SHISA6: variants seen among roughly 807,000 people sequenced by gnomAD.
SHISA6 encodes the protein protein shisa-6.
Under a neutral mutation model 47.9 loss-of-function variants are expected in SHISA6, and 22 were observed. The ratio of observed to expected loss-of-function variants is 0.46; its 90% CI spans 0.33 to 0.66. SHISA6 has a LOEUF of 0.66. Ranked by LOEUF, SHISA6 falls within the 30% of genes least tolerant of loss-of-function variation. SHISA6 has a pLI of 0.02. For synonymous variants in SHISA6, 388 were observed against 337.8 expected, an observed-to-expected ratio of 1.15 and a Z score of -1.63; for missense variants, 680 against 764.6, an observed-to-expected ratio of 0.89 and a Z score of 1.30.
At chr17:11,366,963 AGGTT>A (rs1206848048) in intron 2 of SHISA6, among the ~76,000 whole-genome samples, 4 of 152,204 alleles carry the variant, frequency 2.6e-5, no homozygotes, top group Non-Finnish European at 4.4e-5. Flanking sequence ...ATACTGAATT[AGGTT>A]GGACTTTAAT....
At chr17:11,530,960 G>C (rs928047187) in intron 3 of SHISA6, among the ~76,000 whole-genome samples, 17 of 152,184 alleles carry the variant, frequency 1.1e-4, no homozygotes, top group Non-Finnish European at 2.2e-4. Context: ...AGTATCAGCT[G>C]ATGTTTGGTA....
intron 2 of SHISA6, among the ~76,000 whole-genome samples, chr17:11,309,800 G>A (rs1160230722): frequency 6.6e-6 from 1 of 152,220 alleles, no homozygotes; most frequent in Non-Finnish European, 1.5e-5. Context: ...TTCCTGTACA[G>A]AGAGATTTCT....
chr17:11,393,620 A>G (rs1302891844), intron 3 of SHISA6, among the ~76,000 whole-genome samples: 1 of 152,170 alleles, frequency 6.6e-6, no homozygotes, highest in African/African-American at 2.4e-5. Flanking sequence ...TTATATATAT[A>G]TATTAACCCT....
intron 3 of SHISA6, among the ~76,000 whole-genome samples, chr17:11,546,185 T>A (rs554176733): frequency 6.6e-6 from 1 of 152,330 alleles, no homozygotes; most frequent in South Asian, 2.1e-4. Context: ...TTATGTGTCA[T>A]GAGTACAGTC....
intron 3 of SHISA6, among the ~76,000 whole-genome samples, chr17:11,467,298 T>C (rs140263929): frequency 6.6e-6 from 1 of 152,232 alleles, no homozygotes; most frequent in East Asian, 1.9e-4. Flanking sequence ...ATCTGAGAGA[T>C]AGTTCGTGTT....
At chr17:11,298,801 C>T (rs1909832518) in intron 2 of SHISA6, among the ~76,000 whole-genome samples, 1 of 152,210 alleles carries the variant, frequency 6.6e-6, no homozygotes, top group African/African-American at 2.4e-5. Context: ...TCCAAGTTCA[C>T]TGTCAGCAGC....
chr17:11,486,047 A>G (rs771247199), intron 3 of SHISA6, among the ~76,000 whole-genome samples: 38 of 152,002 alleles, frequency 2.5e-4, no homozygotes, highest in Non-Finnish European at 4.1e-4. Flanking sequence ...AGAAGCAAAC[A>G]GGGGGAGTTT....
chr17:11,325,703 A>C (rs865786688), intron 2 of SHISA6, among the ~76,000 whole-genome samples: 1 of 152,074 alleles, frequency 6.6e-6, no homozygotes. Context: ...GTTTAAAAAA[A>C]AAAAAAAAGA....
At chr17:11,255,784 T>C (rs1907984048) in intron 1 of SHISA6, among the ~76,000 whole-genome samples, 1 of 152,214 alleles carries the variant, frequency 6.6e-6, no homozygotes, top group Non-Finnish European at 1.5e-5. Flanking sequence ...ACTGCACCAG[T>C]CCTCTAAGAC....
intron 2 of SHISA6, among the ~76,000 whole-genome samples, chr17:11,284,346 C>T (rs1204519696): frequency 1.3e-5 from 2 of 152,156 alleles, no homozygotes; most frequent in Non-Finnish European, 2.9e-5. Flanking sequence ...CTTCCATCAT[C>T]CTTACAGGGT....
At chr17:11,273,178 T>C (rs529673138) in intron 2 of SHISA6, among the ~76,000 whole-genome samples, 2 of 152,218 alleles carry the variant, frequency 1.3e-5, no homozygotes, top group Non-Finnish European at 2.9e-5. Flanking sequence ...GATTAGAAGC[T>C]TAACCAAGGT....
intron 3 of SHISA6, among the ~76,000 whole-genome samples, chr17:11,440,040 T>C (rs1915055325): frequency 1.3e-5 from 2 of 152,236 alleles, no homozygotes; most frequent in South Asian, 2.1e-4. Flanking sequence ...CTGAGGGTCC[T>C]GGGTCTGCTA....
At chr17:11,256,889 T>C (rs1908030510) in intron 1 of SHISA6, among the ~76,000 whole-genome samples, 6 of 152,208 alleles carry the variant, frequency 3.9e-5, no homozygotes, top group Admixed American at 2.6e-4. Flanking sequence ...CCGGCTGGCC[T>C]AGTGACAGCG....
chr17:11,329,858 C>T (rs901782386), intron 2 of SHISA6, among the ~76,000 whole-genome samples: 5 of 151,918 alleles, frequency 3.3e-5, no homozygotes, highest in African/African-American at 7.3e-5. Flanking sequence ...TGTGTTCAAG[C>T]GCACCTGGAT....
At chr17:11,303,233 G>A (rs142723342) in intron 2 of SHISA6, among the ~76,000 whole-genome samples, 2 of 152,108 alleles carry the variant, frequency 1.3e-5, no homozygotes, top group African/African-American at 4.8e-5. Flanking sequence ...AAGATTCAGT[G>A]TGATTGTGAG....
chr17:11,509,172 T>C (rs1420746875), intron 3 of SHISA6, among the ~76,000 whole-genome samples: 2 of 152,142 alleles, frequency 1.3e-5, no homozygotes, highest in Non-Finnish European at 2.9e-5. Flanking sequence ...AAGGCCCAAC[T>C]CTCCAGCTCA....
chr17:11,313,431 T>C (rs1449000501), intron 2 of SHISA6, among the ~76,000 whole-genome samples: 8 of 152,192 alleles, frequency 5.3e-5, no homozygotes, highest in African/African-American at 1.7e-4. Flanking sequence ...CTGCTAAGGA[T>C]AGAAAAGCGA....
At chr17:11,471,749 G>A (rs1915939829) in intron 3 of SHISA6, among the ~76,000 whole-genome samples, 1 of 152,178 alleles carries the variant, frequency 6.6e-6, no homozygotes. Context: ...AGTGAGGGGA[G>A]CACCATGCCT....
At chr17:11,369,647 CAAAG>C (rs1912563180) in intron 2 of SHISA6, among the ~76,000 whole-genome samples, 1 of 152,148 alleles carries the variant, frequency 6.6e-6, no homozygotes, top group Non-Finnish European at 1.5e-5. Context: ...ACGCTGGGTG[CAAAG>C]AAAGAGTTGT....
Sources: allele counts gnomAD v4.1 joint callset (sites outside exome capture counted in the v4.1 genomes callset), GRCh38; gene constraint gnomAD v4.1.1; transcripts MANE v1.5; gene names NCBI Gene and HGNC (gene_info 2026-07-23, HGNC 2026-07-21).